Variants in LRFN5 observed in about 807,000 individuals in gnomAD.
The protein encoded by LRFN5 is leucine rich repeat and fibronectin type III domain containing 5, also known as leucine-rich repeat and fibronectin type-III domain-containing protein 5.
LRFN5 carries 24 observed loss-of-function variants against 45.6 expected under a neutral mutation model. The observed-to-expected ratio is 0.53, with a 90% confidence interval of 0.38 to 0.74. LRFN5 has a LOEUF of 0.74. LRFN5 is among the 30% of genes least tolerant of loss of function. The pLI is 0.00. For missense variants in LRFN5, 776 were observed against 861.5 expected (o/e 0.90, Z 1.24); for synonymous variants, 340 against 313.8 (o/e 1.08, Z -0.88).
Position 41,870,229 on chromosome 14 carries a change from T to A in LRFN5, c.-20-16377T>A, listed in dbSNP as rs192256938. On this transcript the variant is annotated intron_variant, in intron 2 of 5. Coordinates refer to ENST00000298119, the MANE Select transcript of LRFN5 (RefSeq NM_152447.5). The stretch of plus-strand genomic sequence containing the variant: ...TGCTGTAGAATTATGACAGTTTGAT[T>A]TTTCAAAGCCAGCAATTAAGAGAGG... 4.0e-3 allele frequency among the ~76,000 whole-genome samples: 602 copies of A among 152,258 alleles called. 8 individuals are homozygous for A. Among genetic ancestry groups the A allele is most frequent in the African/African-American group, 0.014 (577 of 41,558 alleles).
In LRFN5 at chr14:41,893,962, T is replaced by G. The variant is rs1027528468; in HGVS notation, c.2098+2000T>G. ...GCAGCACTCAGAGTGAAATATATTT[T>G]CAGTACTATTAATGTAGTAATGCTC... is the stretch of plus-strand genomic sequence containing the variant. On this transcript the variant is annotated intron_variant, in intron 4 of 5. Coordinates refer to ENST00000298119, the MANE Select transcript of LRFN5 (RefSeq NM_152447.5). 5 of 985,022 alleles carry G rather than the reference T, an allele frequency of 5.1e-6. No individual in the cohort carries two copies. The African/African-American group carries it at 8.7e-5, about 17-fold the overall frequency. The allele number at this position is 985,022 out of a possible 1,614,324, so 61.0% of individuals were successfully genotyped here.
At chr14:41,850,580 G>C (rs1461366544) in intron 2 of LRFN5, among the ~76,000 whole-genome samples, 1 of 151,804 alleles carries the variant, frequency 6.6e-6, no homozygotes. Flanking sequence ...AGAACAAAAA[G>C]AGATAAAAAG....
chr14:41,610,892 T>C (rs1175649104), intron 1 of LRFN5, among the ~76,000 whole-genome samples: 3 of 151,950 alleles, frequency 2.0e-5, no homozygotes, highest in African/African-American at 7.3e-5. Flanking sequence ...TCCTCCCAAA[T>C]TACCCCAGAA....
At chr14:41,799,894 A>T (rs1293488174) in intron 2 of LRFN5, among the ~76,000 whole-genome samples, 1 of 151,856 alleles carries the variant, frequency 6.6e-6, no homozygotes, top group African/African-American at 2.4e-5. Flanking sequence ...TGCTAAAATG[A>T]TATCTCAGGC....
In LRFN5 at chr14:41,887,178, A is replaced by G; in HGVS notation, c.553A>G (p.Asn185Asp). The G allele has an allele frequency of 4.3e-6, 7 of 1,614,122 alleles. No individual in the cohort carries two copies. The highest frequency in any genetic ancestry group is 5.9e-6 in the Non-Finnish European group (7 of 1,180,022). The stretch of plus-strand genomic sequence containing the variant: ...TAGTTTGGATCACAATATGATTGAT[A>G]ACATTCCTAAGGGGACCTTCTCCCA... ...TLSLDHNMID[N>D]IPKGTFSHLH... Residue 185 changes from asparagine (N) to aspartate (D), a missense_variant, in exon 3 of 6, where the codon AAC becomes GAC. Asn to Asp is a conservative substitution (Grantham distance 23, BLOSUM62 1). This residue lies in a region of LRFN5 where 311 missense variants were observed against 405.1 expected (regional missense o/e 0.77). Coordinates refer to ENST00000298119, the MANE Select transcript of LRFN5 (RefSeq NM_152447.5). The surrounding 1 kb of genome is among the most constrained non-coding windows in gnomAD (Gnocchi z 4.8).
intron 1 of LRFN5, among the ~76,000 whole-genome samples, chr14:41,631,148 C>T (rs1888518990): frequency 6.6e-6 from 1 of 152,172 alleles, no homozygotes; most frequent in African/African-American, 2.4e-5. Context: ...CATAGCCCTC[C>T]AAACCCCAAT....
intron 2 of LRFN5, among the ~76,000 whole-genome samples, chr14:41,836,956 A>G (rs1222673698): frequency 6.6e-6 from 1 of 152,040 alleles, no homozygotes; most frequent in African/African-American, 2.4e-5. Context: ...CAGGGCTGGG[A>G]CAGGTGAAAT....
intron 2 of LRFN5, among the ~76,000 whole-genome samples, chr14:41,867,195 A>C (rs928977788): frequency 2.0e-5 from 3 of 152,156 alleles, no homozygotes; most frequent in Non-Finnish European, 4.4e-5. Flanking sequence ...TTTAGATTTA[A>C]ATATGTATAT....
chr14:41,848,223 T>C (rs1889135546), intron 2 of LRFN5, among the ~76,000 whole-genome samples: 1 of 151,932 alleles, frequency 6.6e-6, no homozygotes, highest in African/African-American at 2.4e-5. Context: ...TCACGCAAAA[T>C]AAATAATAAT....
chr14:41,876,023 A>G (rs146361664), intron 2 of LRFN5, among the ~76,000 whole-genome samples: 2 of 152,232 alleles, frequency 1.3e-5, no homozygotes, highest in Non-Finnish European at 1.5e-5. Context: ...ACATATGTAT[A>G]CATGTAAGGG....
intron 2 of LRFN5, among the ~76,000 whole-genome samples, chr14:41,844,203 C>G (rs1332311650): frequency 4.6e-5 from 7 of 152,020 alleles, no homozygotes; most frequent in Non-Finnish European, 1.0e-4. Flanking sequence ...TTTGGGAGGC[C>G]AAGGTGGGCG....
intron 1 of LRFN5, among the ~76,000 whole-genome samples, chr14:41,743,737 T>G (rs2138826924): frequency 6.6e-6 from 1 of 152,332 alleles, no homozygotes; most frequent in South Asian, 2.1e-4. Flanking sequence ...GTTAATTAGC[T>G]TAATTGGCTC....
At chr14:41,740,455 AAAC>A (rs1201130143) in intron 1 of LRFN5, among the ~76,000 whole-genome samples, 1 of 152,038 alleles carries the variant, frequency 6.6e-6, no homozygotes, top group Non-Finnish European at 1.5e-5. Context: ...ATACAGAAAA[AAAC>A]ATTTTCTCAA....
chr14:41,842,131 T>C (rs1017910766), intron 2 of LRFN5, among the ~76,000 whole-genome samples: 3 of 152,064 alleles, frequency 2.0e-5, no homozygotes, highest in African/African-American at 7.2e-5. Context: ...TTTGTTGTTT[T>C]TGGCTTTTCC....
chr14:41,868,502 A>G (rs1024116236), intron 2 of LRFN5, among the ~76,000 whole-genome samples: 1 of 152,112 alleles, frequency 6.6e-6, no homozygotes, highest in Non-Finnish European at 1.5e-5. Flanking sequence ...AAAATCCTGA[A>G]TAAGTGCTTA....
Position 41,842,668 on chromosome 14 carries a change from T to G in LRFN5, c.-20-43938T>G, listed in dbSNP as rs1458925125. On this transcript the variant is annotated intron_variant, in intron 2 of 5. Coordinates refer to ENST00000298119, the MANE Select transcript of LRFN5 (RefSeq NM_152447.5). ...ACACAAAACTTTAAAAAATAGTTAA[T>G]TTTAAACAAATTACTGAAGGCTTTT... is the stretch of plus-strand genomic sequence containing the variant. 2.0e-5 allele frequency among the ~76,000 whole-genome samples: 3 copies of G among 152,192 alleles called. 1 individual carries two copies. Among genetic ancestry groups the G allele is most frequent in the Non-Finnish European group, 4.4e-5 (3 of 67,994 alleles).
intron 2 of LRFN5, among the ~76,000 whole-genome samples, chr14:41,828,226 T>C (rs1888362011): frequency 6.6e-6 from 1 of 152,036 alleles, no homozygotes; most frequent in South Asian, 2.1e-4. Flanking sequence ...ATTATCTAAA[T>C]ACAACTTCTT....
At chr14:41,715,645 G>C (rs1326961714) in intron 1 of LRFN5, among the ~76,000 whole-genome samples, 1 of 152,180 alleles carries the variant, frequency 6.6e-6, no homozygotes, top group Admixed American at 6.5e-5. Context: ...TCTGGAGGTT[G>C]GGAAGTACAA....
intron 2 of LRFN5, among the ~76,000 whole-genome samples, chr14:41,771,172 A>C (rs1886072964): frequency 6.7e-6 from 1 of 150,090 alleles, no homozygotes; most frequent in Non-Finnish European, 1.5e-5. Context: ...TGGCCCCTGA[A>C]ACCATTCTAT....
Sources: allele counts gnomAD v4.1 joint callset (sites outside exome capture counted in the v4.1 genomes callset), GRCh38; gene constraint gnomAD v4.1.1; regional missense constraint gnomAD v4.1.1; non-coding constraint Gnocchi (gnomAD v3.1); transcripts MANE v1.5; gene names NCBI Gene and HGNC (gene_info 2026-07-23, HGNC 2026-07-21).